Variants in KAT14 observed in about 807,000 individuals in gnomAD.
The protein encoded by KAT14 is lysine acetyltransferase 14.
Under a neutral mutation model 78.4 loss-of-function variants are expected in KAT14, and 66 were observed. The observed-to-expected ratio is 0.84, with a 90% CI of 0.69 to 1.03. The LOEUF (loss-of-function observed/expected upper bound fraction) is 1.03. KAT14 is among the 50% of genes least tolerant of loss of function. The pLI is 0.00. For missense variants in KAT14, 870 were observed against 972.5 expected, an observed-to-expected ratio of 0.89 and a Z score of 1.40; for synonymous variants, 344 against 359.4, an observed-to-expected ratio of 0.96 and a Z score of 0.48.
intron 7 of KAT14, among the ~76,000 whole-genome samples, chr20:18,178,822 A>G (rs1292663302): frequency 1.3e-5 from 2 of 152,050 alleles, no homozygotes; most frequent in African/African-American, 2.4e-5. Context: ...CAGTCCCCCA[A>G]AGTCTTAACT....
chr20:18,138,296 C>T (rs2037378322), intron 1 of KAT14: 1 of 1,198,204 alleles, frequency 8.3e-7, no homozygotes, highest in Non-Finnish European at 1.0e-6. Flanking sequence ...CGGCTTAGCG[C>T]CTTTGGAGCT....
intron 8 of KAT14, among the ~76,000 whole-genome samples, chr20:18,182,502 G>A (rs1202807895): frequency 6.6e-6 from 1 of 152,204 alleles, no homozygotes; most frequent in Non-Finnish European, 1.5e-5. Context: ...TCTCAGTTGA[G>A]CCTCCATCTG....
At position 18,142,748 on chromosome 20, in the gene KAT14, G is replaced by A; in HGVS notation, c.88G>A (p.Gly30Ser). 6.2e-7 allele frequency: 1 copy of A among 1,614,214 alleles called. No individual in the cohort carries two copies. Among genetic ancestry groups the A allele is most frequent in the East Asian group, 2.2e-5 (1 of 44,878 alleles). Residue 30 changes from glycine to serine, a missense_variant, in exon 2 of 11, where the codon GGT (glycine) becomes AGT (serine). Coordinates refer to ENST00000688188, the MANE Select transcript of KAT14 (RefSeq NM_001392073.1). ...RTSTSEGLEEGEVEGETLLIV... is the reference protein window; with the variant it reads ...RTSTSEGLEESEVEGETLLIV... ...ATCGACCTCAGAAGGACTGGAGGAA[G>A]GTGAAGTGGAGGGAGAGACGCTCCT...
intron 7 of KAT14, among the ~76,000 whole-genome samples, chr20:18,174,345 C>T (rs894262640): frequency 9.2e-6 from 1 of 109,192 alleles, no homozygotes; most frequent in Non-Finnish European, 2.0e-5. Context: ...AGTGGAATTG[C>T]TTTGTCAAAT....
At chr20:18,150,582 G>T (rs994198574) in intron 3 of KAT14, among the ~76,000 whole-genome samples, 4 of 152,160 alleles carry the variant, frequency 2.6e-5, no homozygotes, top group African/African-American at 9.7e-5. Context: ...TGCATGTGTG[G>T]CACCTAAGGA....
chr20:18,182,110 T>C (rs1160416750), intron 8 of KAT14, among the ~76,000 whole-genome samples: 2 of 151,588 alleles, frequency 1.3e-5, no homozygotes, highest in African/African-American at 2.4e-5. Flanking sequence ...TCATAATCAT[T>C]GTTTTATTTA....
intron 7 of KAT14, among the ~76,000 whole-genome samples, chr20:18,166,799 A>G (rs749542765): frequency 2.0e-5 from 3 of 152,230 alleles, no homozygotes; most frequent in Non-Finnish European, 4.4e-5. Flanking sequence ...CTGCATGGGA[A>G]GTAAAATTTG....
chr20:18,161,048 C>G (rs534074724), intron 5 of KAT14, among the ~76,000 whole-genome samples: 7 of 152,072 alleles, frequency 4.6e-5, no homozygotes, highest in South Asian at 2.1e-4. Context: ...ATGGCGCATG[C>G]CTGTAATCCC....
At chr20:18,165,049 T>C (rs1268963670) in intron 7 of KAT14, among the ~76,000 whole-genome samples, 1 of 152,160 alleles carries the variant, frequency 6.6e-6, no homozygotes, top group African/African-American at 2.4e-5. Flanking sequence ...AATTTAGATA[T>C]TAGTAAAATA....
chr20:18,139,633 C>CTGTGTGTGTGT (rs1226297921), intron 1 of KAT14, among the ~76,000 whole-genome samples: 1 of 141,634 alleles, frequency 7.1e-6, no homozygotes, highest in Non-Finnish European at 1.5e-5. Context: ...ACCAAAATAA[C>CTGTGTGTGTGT]GTGTGTGTGT....
At chr20:18,150,998 AC>A in intron 4 of KAT14, 56 bp downstream of exon 4, 1 of 1,596,310 alleles carries the variant, frequency 6.3e-7, no homozygotes, top group East Asian at 2.2e-5. Context: ...AATGAAGTAT[AC>A]AGGATTTGAG....
intron 7 of KAT14, among the ~76,000 whole-genome samples, chr20:18,165,329 G>T (rs1473915031): frequency 6.6e-6 from 1 of 152,152 alleles, no homozygotes; most frequent in African/African-American, 2.4e-5. Context: ...GGTCATTGTT[G>T]TGGACTGAAT....
At chr20:18,169,630 G>T (rs2038778949) in intron 7 of KAT14, among the ~76,000 whole-genome samples, 1 of 152,142 alleles carries the variant, frequency 6.6e-6, no homozygotes, top group Admixed American at 6.5e-5. Context: ...CCTGTTCCCT[G>T]AGACAACAAT....
At position 18,184,584 on chromosome 20, in the gene KAT14, A is replaced by G. The variant is rs1312471045; in HGVS notation, c.1982-18A>G. 6.3e-7 allele frequency: 1 copy of G among 1,589,512 alleles called. No individual in the cohort carries two copies. Among genetic ancestry groups the G allele is most frequent in the East Asian group, 2.3e-5 (1 of 44,002 alleles). On this transcript the variant is annotated intron_variant, in intron 9 of 10. Coordinates refer to ENST00000688188, the MANE Select transcript of KAT14 (RefSeq NM_001392073.1). The stretch of plus-strand genomic sequence containing the variant: ...CAAAGGCATGTGGTTTGAGTCTCCG[A>G]TGGTTTCTTTTCTTTAGGCATTGAC...
In KAT14 at chr20:18,162,780, G is replaced by T; in HGVS notation, c.1503G>T (p.Arg501Ser). Residue 501 changes from arginine (R) to serine (S), a missense_variant, in exon 7 of 11, where the codon AGG becomes AGT. Arg to Ser is a moderately radical substitution (Grantham distance 110, BLOSUM62 -1). Transcript: ENST00000688188. ...KRKLIVRQAK[R>S]DRGLPLFDLD... Reference sequence around the variant, plus strand: ...AACTGATTGTCAGACAAGCGAAAAGGGATAGGGGATTACCACTTTTTGACT... The same window carrying T: ...AACTGATTGTCAGACAAGCGAAAAGTGATAGGGGATTACCACTTTTTGACT... 1 of 1,614,166 alleles carries T rather than the reference G, an allele frequency of 6.2e-7. No homozygotes were observed. Among genetic ancestry groups the T allele is most frequent in the Non-Finnish European group, 8.5e-7 (1 of 1,180,030 alleles).
At chr20:18,153,984 T>G (rs1420327744) in intron 4 of KAT14, among the ~76,000 whole-genome samples, 1 of 152,240 alleles carries the variant, frequency 6.6e-6, no homozygotes, top group Non-Finnish European at 1.5e-5. Context: ...AATGAGAATT[T>G]AAAGCAGTAA....
At position 18,162,496 on chromosome 20, in the gene KAT14, G is replaced by T; in HGVS notation, c.1219G>T (p.Glu407Ter). 1 of 1,614,102 alleles carries T rather than the reference G, an allele frequency of 6.2e-7. No individual in the cohort carries two copies. The highest frequency in any genetic ancestry group is 1.1e-5 in the South Asian group (1 of 91,078). The change falls in exon 7 of 11, where the codon GAA becomes TAA. Residue 407 changes from glutamate to a stop codon, truncating the protein, a stop_gained. Coordinates refer to ENST00000688188, the MANE Select transcript of KAT14 (RefSeq NM_001392073.1). LOFTEE classifies it high-confidence loss of function. ...GGTCAGAAAGAAGGTCAGAGGCCCT[G>T]AACAGATAAAGCAGGAGGTAGAGAG... ...VGVRKKVRGP[E>*]QIKQEVESEE...
chr20:18,152,978 A>G (rs1431499665), intron 4 of KAT14, among the ~76,000 whole-genome samples: 3 of 152,300 alleles, frequency 2.0e-5, no homozygotes, highest in East Asian at 1.9e-4. Flanking sequence ...GCTCTTGGGT[A>G]CTTGTGAGTT....
chr20:18,141,023 A>ATTTTCTTTTTTT (rs2037531804), intron 1 of KAT14, among the ~76,000 whole-genome samples: 1 of 48,760 alleles, frequency 2.1e-5, no homozygotes, highest in African/African-American at 1.1e-4. Flanking sequence ...ACTCCCTGCA[A>ATTTTCTTTTTTT]TTTTTTTTTT....
Sources: gnomAD v4.1 joint callset for allele counts (sites outside exome capture counted in the v4.1 genomes callset) on GRCh38, gnomAD v4.1.1 for gene constraint, MANE v1.5 for transcripts, NCBI Gene and HGNC (gene_info 2026-07-23, HGNC 2026-07-21) for gene names.